The following DENND1A variants were observed in gnomAD, a reference collection of about 807,000 sequenced individuals.
The protein encoded by DENND1A is DENN domain containing 1A, also known as DENN domain-containing protein 1A.
In DENND1A, 51 loss-of-function variants were observed where a neutral mutation model predicts 113.7. The observed-to-expected ratio is 0.45, with a 90% CI of 0.36 to 0.57. The LOEUF (loss-of-function observed/expected upper bound fraction) is 0.57, where lower values mean the gene tolerates loss of function less well. Ranked by LOEUF, DENND1A falls within the 20% of genes least tolerant of loss-of-function variation. DENND1A has a pLI of 0.00. For synonymous variants in DENND1A, 565 were observed against 570.8 expected, an observed-to-expected ratio of 0.99 and a Z score of 0.14; for missense variants, 1,258 against 1,395.9, an observed-to-expected ratio of 0.90 and a Z score of 1.57.
At chr9:123,912,472 G>A (rs974936331) in intron 1 of DENND1A, among the ~76,000 whole-genome samples, 3 of 152,084 alleles carry the variant, frequency 2.0e-5, no homozygotes, top group Non-Finnish European at 4.4e-5. Context: ...GACCAAAAAG[G>A]GCAGCTAATA....
intron 5 of DENND1A, among the ~76,000 whole-genome samples, chr9:123,713,968 C>T (rs556539803): frequency 1.9e-4 from 29 of 152,188 alleles, no homozygotes; most frequent in African/African-American, 6.5e-4. Context: ...ACAAATTATG[C>T]CATGATGCCC....
chr9:123,877,277 T>C (rs1588047005), intron 2 of DENND1A, among the ~76,000 whole-genome samples: 1 of 150,444 alleles, frequency 6.6e-6, no homozygotes, highest in African/African-American at 2.5e-5. Context: ...GATAACGAGG[T>C]CAAGAGTTCG....
intron 1 of DENND1A, among the ~76,000 whole-genome samples, chr9:123,884,558 AG>A (rs1477460427): frequency 6.6e-6 from 1 of 151,984 alleles, no homozygotes; most frequent in African/African-American, 2.4e-5. Context: ...CCTACAATCC[AG>A]CCATATAGAT....
At chr9:123,671,404 C>G (rs1203692279) in intron 6 of DENND1A, 33 bp from the exon 7 acceptor site, 1 of 1,609,664 alleles carries the variant, frequency 6.2e-7, no homozygotes, top group African/African-American at 1.3e-5. Context: ...GTAACAAAAG[C>G]AAGGCTGAGC....
In DENND1A at chr9:123,517,290, C is replaced by A. The variant is rs554610840; in HGVS notation, c.993+40280G>T. Among the ~76,000 whole-genome samples the A allele has an allele frequency of 4.0e-5, 6 of 150,098 alleles. No homozygotes were observed. The East Asian group carries it at 5.9e-4, about 15-fold the overall frequency. On this transcript the variant is annotated intron_variant, in intron 13 of 23. Coordinates refer to ENST00000394215, the MANE Select transcript of DENND1A (RefSeq NM_001352964.2). ...AACAAAAAACCCACAAAACCCCCCC[C>A]AAAAAACCCATTCATATCACAACAA...
intron 2 of DENND1A, among the ~76,000 whole-genome samples, chr9:123,833,137 A>AAG (rs1840523048): frequency 6.6e-6 from 1 of 151,052 alleles, no homozygotes; most frequent in African/African-American, 2.4e-5. Context: ...AAAAAAAAAA[A>AAG]AAAAAAAAAA....
intron 10 of DENND1A, among the ~76,000 whole-genome samples, chr9:123,620,338 G>T (rs539343204): frequency 6.6e-6 from 1 of 152,022 alleles, no homozygotes; most frequent in Non-Finnish European, 1.5e-5. Context: ...AAATGAAGGT[G>T]CATCTCAGTG....
intron 13 of DENND1A, among the ~76,000 whole-genome samples, chr9:123,535,677 G>A (rs1175271673): frequency 5.3e-5 from 8 of 152,048 alleles, no homozygotes; most frequent in East Asian, 3.8e-4. Context: ...TTTGAATGCC[G>A]GTGACTTCTC....
At chr9:123,464,994 C>CAAAAAAAAAA (rs10655282) in intron 13 of DENND1A, among the ~76,000 whole-genome samples, 303 of 69,842 alleles carry the variant, frequency 4.3e-3, no homozygotes, top group Non-Finnish European at 4.8e-3. Flanking sequence ...ACTAAAAATA[C>CAAAAAAAAAA]AAAAAAAAAA....
rs1297533021 is a variant in DENND1A, at chr9:123,452,345, T to C, written c.1230A>G (p.Lys410=). The part of the protein sequence containing the change: ...LYHQWLSTVR[K]GSGAILNTVK... ...CAGTATTCAGAATTGCTCCACTTCC[T>C]TTCTATAATAAAAATGTCAATTAGC... The change falls in exon 17 of 24, where the codon AAA becomes AAG. Residue 410 remains lysine, a splice_region_variant and synonymous_variant. Transcript: ENST00000394215. The C allele has an allele frequency of 1.2e-6, 2 of 1,614,046 alleles. No individual in the cohort carries two copies. The highest frequency in any genetic ancestry group is 1.3e-5 in the African/African-American group (1 of 74,944).
At chr9:123,697,360 C>G (rs1276366376) in intron 5 of DENND1A, among the ~76,000 whole-genome samples, 1 of 152,162 alleles carries the variant, frequency 6.6e-6, no homozygotes, top group African/African-American at 2.4e-5. Flanking sequence ...CTTTCTCCAA[C>G]TTTTTTGTTG....
intron 2 of DENND1A, among the ~76,000 whole-genome samples, chr9:123,804,524 G>T (rs559663201): frequency 6.6e-6 from 1 of 152,024 alleles, no homozygotes; most frequent in East Asian, 1.9e-4. Flanking sequence ...TCCTTTGCTG[G>T]TCCTCTTTCA....
intron 20 of DENND1A, among the ~76,000 whole-genome samples, chr9:123,407,494 C>A (rs771169335): frequency 6.6e-6 from 1 of 152,162 alleles, no homozygotes; most frequent in Non-Finnish European, 1.5e-5. Flanking sequence ...CACAACCAGG[C>A]ACAGACACAC....
At chr9:123,686,473 C>T (rs948428638) in intron 5 of DENND1A, among the ~76,000 whole-genome samples, 2 of 152,208 alleles carry the variant, frequency 1.3e-5, no homozygotes, top group African/African-American at 4.8e-5. Context: ...AAAAGCCCCT[C>T]GGCTCCAAGT....
chr9:123,717,423 AAG>A (rs998955664), intron 5 of DENND1A, among the ~76,000 whole-genome samples: 4 of 152,210 alleles, frequency 2.6e-5, no homozygotes, highest in African/African-American at 9.6e-5. Flanking sequence ...CAGATAAGGA[AAG>A]AGAGATAAAA....
chr9:123,796,131 G>T (rs1026763765), intron 2 of DENND1A, among the ~76,000 whole-genome samples: 1 of 152,042 alleles, frequency 6.6e-6, no homozygotes, highest in Admixed American at 6.6e-5. Flanking sequence ...TAATATGTAC[G>T]CCCTAATAGA....
intron 13 of DENND1A, among the ~76,000 whole-genome samples, chr9:123,526,245 T>C (rs541963706): frequency 1.3e-5 from 2 of 152,052 alleles, no homozygotes; most frequent in African/African-American, 4.8e-5. Flanking sequence ...TGACTCCTCA[T>C]CCTTTCCCTG....
intron 14 of DENND1A, among the ~76,000 whole-genome samples, 160 bp downstream of exon 14, chr9:123,457,633 G>C (rs1387624921): frequency 1.3e-5 from 2 of 152,210 alleles, no homozygotes; most frequent in Non-Finnish European, 2.9e-5. Flanking sequence ...GGGTCTGTCT[G>C]GTCAGTGACT....
intron 10 of DENND1A, 109 bp downstream of exon 10, chr9:123,630,267 G>A: frequency 4.4e-6 from 1 of 226,772 alleles, no homozygotes; most frequent in Non-Finnish European, 7.8e-6. Context: ...GCTGGATGAA[G>A]TTAATATTTT....
Sources: allele counts gnomAD v4.1 joint callset (sites outside exome capture counted in the v4.1 genomes callset), GRCh38; gene constraint gnomAD v4.1.1; transcripts MANE v1.5; gene names NCBI Gene and HGNC (gene_info 2026-07-23, HGNC 2026-07-21).